The following EPB41L4B variants were observed in gnomAD, a reference collection of about 807,000 sequenced individuals.
EPB41L4B encodes the protein erythrocyte membrane protein band 4.1 like 4B.
EPB41L4B carries 30 observed loss-of-function variants against 112.5 expected under a neutral mutation model. The observed-to-expected ratio is 0.27, with a 90% CI of 0.20 to 0.36. The LOEUF (loss-of-function observed/expected upper bound fraction) is 0.36, where lower values mean the gene tolerates loss of function less well. Among genes scored for constraint, EPB41L4B ranks in the 10% least tolerant of loss-of-function variants. EPB41L4B has a pLI of 1.00. For synonymous variants in EPB41L4B, 408 were observed against 439.7 expected (o/e 0.93, Z 0.90); for missense variants, 1,024 against 1,133.3 (o/e 0.90, Z 1.38).
chr9:109,320,239 C>G lies in EPB41L4B; in HGVS notation c.208G>C (p.Gly70Arg). ...PAGGGPLLTG[G>R]AAVHISAAGA... ...GCGGCGGAGATGTGCACGGCCGCGC[C>G]GCCGGTGAGCAGGGGCCCGCCGCCC... Residue 70 changes from glycine (G) to arginine (R), a missense_variant, in exon 1 of 26, where the codon GGC becomes CGC. Gly to Arg is a moderately radical substitution (Grantham distance 125). Transcript: ENST00000374566. 1 of 1,276,554 alleles carries G rather than the reference C, an allele frequency of 7.8e-7. No individual in the cohort carries two copies. The highest frequency in any genetic ancestry group is 3.2e-5 in the East Asian group (1 of 31,576). 79.1% of individuals were successfully genotyped at this position (1,276,554 alleles called of 1,614,324 possible).
chr9:109,264,279 G>A (rs1019034308), intron 5 of EPB41L4B, among the ~76,000 whole-genome samples: 4 of 152,200 alleles, frequency 2.6e-5, no homozygotes, highest in African/African-American at 9.7e-5. Context: ...TTCAAAATCA[G>A]AACGTATTCT....
At chr9:109,313,460 T>TAAGCACA (rs1480866614) in intron 1 of EPB41L4B, among the ~76,000 whole-genome samples, 1 of 152,202 alleles carries the variant, frequency 6.6e-6, no homozygotes, top group Non-Finnish European at 1.5e-5. Context: ...GCTGCCCGGC[T>TAAGCACA]CCAGCCCCAC....
chr9:109,263,034 C>T lies in EPB41L4B; in HGVS notation c.631+16G>A. On this transcript the variant is annotated intron_variant, in intron 6 of 25. Coordinates refer to ENST00000374566, the MANE Select transcript of EPB41L4B (RefSeq NM_019114.5). ...AATAACATTAAAATGCTAATTACTA[C>T]TAAAGATTAATGTACCTTGTAGACA... The T allele has an allele frequency of 3.2e-6, 5 of 1,560,618 alleles. No individual in the cohort carries two copies. Among genetic ancestry groups the T allele is most frequent in the Non-Finnish European group, 4.4e-6 (5 of 1,139,340 alleles).
At chr9:109,225,454 C>T (rs1266366412) in intron 15 of EPB41L4B, among the ~76,000 whole-genome samples, 5 of 152,174 alleles carry the variant, frequency 3.3e-5, no homozygotes, top group Non-Finnish European at 7.3e-5. Flanking sequence ...GTGAAAGGTA[C>T]ATCTCACATG....
At chr9:109,311,894 G>A (rs752938020) in intron 1 of EPB41L4B, among the ~76,000 whole-genome samples, 4 of 152,142 alleles carry the variant, frequency 2.6e-5, no homozygotes, top group Non-Finnish European at 4.4e-5. Context: ...GGATGATAAC[G>A]TGCACCTTCC....
At position 109,267,480 on chromosome 9, in the gene EPB41L4B, A is replaced by G. The variant is rs776488579; in HGVS notation, c.526T>C (p.Phe176Leu). The G allele has an allele frequency of 6.2e-7, 1 of 1,612,112 alleles. No individual in the cohort carries two copies. The highest frequency in any genetic ancestry group is 8.5e-7 in the Non-Finnish European group (1 of 1,178,478). ...SSEPNNLREEFTRYLFVLQLR... is the reference protein window; with the variant it reads ...SSEPNNLREELTRYLFVLQLR... ...TTCTGCATCGTGGCCTACCTTGTAAACTCCTCACGAAGGTTGTTTGGTTCT... is the reference window on the plus strand; with the variant it reads ...TTCTGCATCGTGGCCTACCTTGTAAGCTCCTCACGAAGGTTGTTTGGTTCT... The change falls in exon 4 of 26, where the codon TTT becomes CTT. Residue 176 changes from phenylalanine (F) to leucine (L), a missense_variant. Coordinates refer to ENST00000374566, the MANE Select transcript of EPB41L4B (RefSeq NM_019114.5).
At chr9:109,184,952 A>C (rs552912235) in intron 23 of EPB41L4B, among the ~76,000 whole-genome samples, 1 of 152,366 alleles carries the variant, frequency 6.6e-6, no homozygotes, top group Non-Finnish European at 1.5e-5. Flanking sequence ...AAAGAGGAAA[A>C]CAGGAGAGAA....
intron 1 of EPB41L4B, among the ~76,000 whole-genome samples, chr9:109,317,710 G>T (rs1341640251): frequency 2.0e-5 from 3 of 152,240 alleles, no homozygotes; most frequent in Non-Finnish European, 4.4e-5. Flanking sequence ...ATGTCCCTGG[G>T]TGCCTGAGAA....
intron 15 of EPB41L4B, among the ~76,000 whole-genome samples, chr9:109,227,437 T>G (rs190941696): frequency 3.3e-4 from 51 of 152,302 alleles, no homozygotes; most frequent in African/African-American, 1.2e-3. Context: ...AAGGAACATA[T>G]TTCTCTCCAT....
At position 109,258,139 on chromosome 9, in the gene EPB41L4B, T is replaced by C. The variant is rs373051166; in HGVS notation, c.752+38A>G. 17 of 1,590,356 alleles carry C rather than the reference T, an allele frequency of 1.1e-5. No homozygotes were observed. In the African/African-American group the frequency reaches 1.7e-4, roughly 16 times the overall value. On this transcript the variant is annotated intron_variant, in intron 7 of 25. Coordinates refer to ENST00000374566, the MANE Select transcript of EPB41L4B (RefSeq NM_019114.5). Reference sequence around the variant, plus strand: ...TGATCAACACTTATTTATGACAAAATAGATACATCAGAATGCTAGACGGTT... The same window carrying C: ...TGATCAACACTTATTTATGACAAAACAGATACATCAGAATGCTAGACGGTT...
intron 14 of EPB41L4B, among the ~76,000 whole-genome samples, chr9:109,246,050 T>G (rs1588167380): frequency 2.0e-5 from 3 of 152,162 alleles, no homozygotes; most frequent in African/African-American, 7.2e-5. Flanking sequence ...TCTCTACAAC[T>G]TTTCAGTTAC....
intron 24 of EPB41L4B, 116 bp downstream of exon 24, chr9:109,182,613 A>G: frequency 1.4e-6 from 1 of 735,210 alleles, no homozygotes; most frequent in Non-Finnish European, 2.4e-6. Context: ...CCAACCTCAC[A>G]GAGTTCAACG....
intron 15 of EPB41L4B, among the ~76,000 whole-genome samples, chr9:109,232,111 AC>A (rs1383016317): frequency 1.3e-5 from 2 of 151,424 alleles, no homozygotes; most frequent in Admixed American, 6.6e-5. Flanking sequence ...CCTGCCTCAG[AC>A]CCCCGAGTAG....
chr9:109,202,757 C>A (rs1347930643), intron 19 of EPB41L4B, among the ~76,000 whole-genome samples: 1 of 152,146 alleles, frequency 6.6e-6, no homozygotes, highest in Admixed American at 6.5e-5. Context: ...ACTTAATGGG[C>A]ACAATGTACA....
intron 12 of EPB41L4B, 93 bp downstream of exon 12, chr9:109,253,348 A>G: frequency 1.2e-6 from 1 of 832,930 alleles, no homozygotes; most frequent in East Asian, 2.5e-5. Flanking sequence ...AACTGCGGGT[A>G]CTTTCTTCAT....
intron 1 of EPB41L4B, among the ~76,000 whole-genome samples, chr9:109,310,544 C>T (rs1837380411): frequency 6.6e-6 from 1 of 152,146 alleles, no homozygotes; most frequent in East Asian, 1.9e-4. Context: ...GGACAGAGGG[C>T]TTGCCAACAC....
At chr9:109,255,175 C>T in intron 11 of EPB41L4B, among the ~76,000 whole-genome samples, 2 of 152,294 alleles carry the variant, frequency 1.3e-5, no homozygotes, top group Middle Eastern at 6.8e-3. Flanking sequence ...GGCTTCTTGG[C>T]CGCTTGAAAT....
At chr9:109,278,281 G>A (rs367698445) in intron 2 of EPB41L4B, among the ~76,000 whole-genome samples, 12 of 152,230 alleles carry the variant, frequency 7.9e-5, no homozygotes, top group African/African-American at 2.9e-4. Flanking sequence ...TTGGGGGTGG[G>A]GTGGGGTGGC....
chr9:109,296,771 C>T (rs1464065128), intron 1 of EPB41L4B, among the ~76,000 whole-genome samples: 1 of 151,544 alleles, frequency 6.6e-6, no homozygotes, highest in Admixed American at 6.6e-5. Context: ...TCTGTAGCCC[C>T]AGTCACTGGG....
Sources: allele counts gnomAD v4.1 joint callset (sites outside exome capture counted in the v4.1 genomes callset), GRCh38; gene constraint gnomAD v4.1.1; transcripts MANE v1.5; gene names NCBI Gene and HGNC (gene_info 2026-07-23, HGNC 2026-07-21).